The following CERT1 variants were observed in gnomAD, a reference collection of about 807,000 sequenced individuals.
CERT1 encodes ceramide transporter 1.
Under a neutral mutation model 87.9 loss-of-function variants are expected in CERT1, and 31 were observed. That is an observed-to-expected ratio of 0.35 (90% CI 0.27 to 0.48). CERT1 has a LOEUF of 0.48. Ranked by LOEUF, CERT1 falls within the 20% of genes least tolerant of loss-of-function variation. CERT1 has a pLI of 0.99. For missense variants in CERT1, 487 were observed against 758.0 expected (o/e 0.64, Z 4.20); for synonymous variants, 289 against 250.9 (o/e 1.15, Z -1.44).
At chr5:75,473,253 T>A (rs1580820453) in intron 2 of CERT1, among the ~76,000 whole-genome samples, 1 of 152,062 alleles carries the variant, frequency 6.6e-6, no homozygotes, top group East Asian at 1.9e-4. Flanking sequence ...GCTCATTTTT[T>A]AAATTTTTTG....
At chr5:75,387,408 G>C (rs1479360681) in intron 12 of CERT1, among the ~76,000 whole-genome samples, 1 of 152,152 alleles carries the variant, frequency 6.6e-6, no homozygotes, top group East Asian at 1.9e-4. Flanking sequence ...TAGTCTGCTT[G>C]TTCTCCAGTT....
chr5:75,369,866 C>G (rs920225735), intron 17 of CERT1: 17 of 152,162 alleles, frequency 1.1e-4, no homozygotes, highest in African/African-American at 3.9e-4. Context: ...CAAGGCTATT[C>G]AAAGTATACA....
At chr5:75,384,103 C>T (rs1254124989) in intron 14 of CERT1, among the ~76,000 whole-genome samples, 1 of 152,126 alleles carries the variant, frequency 6.6e-6, no homozygotes, top group Non-Finnish European at 1.5e-5. Flanking sequence ...AGCCATTACC[C>T]TTATTGTTGT....
At chr5:75,392,037 T>C (rs1762044396) in intron 11 of CERT1, among the ~76,000 whole-genome samples, 1 of 152,236 alleles carries the variant, frequency 6.6e-6, no homozygotes, top group Non-Finnish European at 1.5e-5. Context: ...TAGTTGTGTT[T>C]CTGTTTGGGA....
chr5:75,428,209 T>G (rs919052102), intron 3 of CERT1, among the ~76,000 whole-genome samples: 6 of 152,174 alleles, frequency 3.9e-5, no homozygotes, highest in Non-Finnish European at 5.9e-5. Context: ...GTAAATGATA[T>G]TAGCACTAGT....
At chr5:75,427,304 G>A (rs1763657244) in intron 3 of CERT1, among the ~76,000 whole-genome samples, 1 of 152,130 alleles carries the variant, frequency 6.6e-6, no homozygotes, top group African/African-American at 2.4e-5. Context: ...TTAAAAGTAC[G>A]GTGAATTAGG....
chr5:75,440,923 C>T (rs375303669), intron 3 of CERT1, among the ~76,000 whole-genome samples: 10 of 152,098 alleles, frequency 6.6e-5, no homozygotes, highest in African/African-American at 2.4e-4. Context: ...GTATCTATGG[C>T]TCCCTGTTTC....
chr5:75,388,599 C>CATATATATATATATATATATATATAT (rs59799780), intron 12 of CERT1, among the ~76,000 whole-genome samples: 3 of 91,858 alleles, frequency 3.3e-5, no homozygotes, highest in Non-Finnish European at 4.9e-5. Context: ...AGCATGCATG[C>CATATATATATATATATATATATATAT]ATATATATAT....
chr5:75,376,203 T>TA (rs1305650066), downstream of CERT1: 10 of 152,364 alleles, frequency 6.6e-5, no homozygotes, highest in East Asian at 1.7e-3. Context: ...TTCAACTGTT[T>TA]AAAAAATTAT....
intron 3 of CERT1, among the ~76,000 whole-genome samples, chr5:75,456,662 TCA>T (rs1491464039): frequency 1.2e-4 from 6 of 52,116 alleles, no homozygotes; most frequent in African/African-American, 7.3e-4. Flanking sequence ...TGACCTCATC[TCA>T]AAAAAAAAAA....
intron 3 of CERT1, among the ~76,000 whole-genome samples, chr5:75,428,653 G>A (rs1291799390): frequency 6.6e-6 from 1 of 151,188 alleles, no homozygotes; most frequent in African/African-American, 2.4e-5. Flanking sequence ...AGTCTGACAT[G>A]GGTGAAAGAG....
rs766180949 is a variant in CERT1 at position 75,511,507 on chromosome 5, T to A, written c.-300A>T. On this transcript the variant is annotated 5_prime_UTR_variant, in exon 1 of 17. Transcript: ENST00000643780. The stretch of plus-strand genomic sequence containing the variant: ...GCGCTGCCACCCGAACTTAGCCCCC[T>A]CGATGCCAATTTCAAATAGGGAAGG... 4.1e-6 allele frequency: 6 copies of A among 1,477,176 alleles called. No homozygotes were observed. In the South Asian group the frequency reaches 8.0e-5, roughly 20 times the overall value. 91.5% of individuals were successfully genotyped at this position (1,477,176 alleles called of 1,614,324 possible).
At chr5:75,500,994 G>GT (rs533662687) in intron 2 of CERT1, among the ~76,000 whole-genome samples, 2,321 of 136,832 alleles carry the variant, frequency 0.017, 51 homozygotes, top group African/African-American at 0.048. Flanking sequence ...TGTTTTTTTT[G>GT]TTTTTTTTTT....
At position 75,424,618 on chromosome 5, in the gene CERT1, A is replaced by G. The variant is rs139347071; in HGVS notation, c.595+743T>C. Among the ~76,000 whole-genome samples the G allele has an allele frequency of 2.1e-3, 313 of 152,020 alleles. 1 individual carries two copies. The East Asian group carries it at 0.027, about 13-fold the overall frequency. ...AGAGAGAGAGGAAAAGGCAAAAAGAAAAGAGAAGGGGAGAAAAAGAGAAAT... is the reference window on the plus strand; with the variant it reads ...AGAGAGAGAGGAAAAGGCAAAAAGAGAAGAGAAGGGGAGAAAAAGAGAAAT... On this transcript the variant is annotated intron_variant, in intron 5 of 16. Coordinates refer to ENST00000643780, the MANE Select transcript of CERT1 (RefSeq NM_001379029.1).
In CERT1 at chr5:75,426,394, C is replaced by T; in HGVS notation, c.433G>A (p.Ala145Thr). Residue 145 changes from alanine to threonine, a missense_variant, in exon 4 of 17, where the codon GCA (alanine) becomes ACA (threonine). Physicochemically the swap from Ala to Thr is moderately conservative, Grantham distance 58. Coordinates refer to ENST00000643780, the MANE Select transcript of CERT1 (RefSeq NM_001379029.1). ...SLVSGASGYS[A>T]TSTSSFKKGH... ...ACCTTGAATGAAGAGGTGGATGTTG[C>T]AGAGTAGCCACTTGCTCCAGACACC... 1.2e-6 allele frequency: 2 copies of T among 1,613,188 alleles called. No individual in the cohort carries two copies. Among genetic ancestry groups the T allele is most frequent in the Non-Finnish European group, 1.7e-6 (2 of 1,179,340 alleles).
At chr5:75,420,180 T>C (rs925935408) in intron 5 of CERT1, among the ~76,000 whole-genome samples, 1 of 151,838 alleles carries the variant, frequency 6.6e-6, no homozygotes, top group Non-Finnish European at 1.5e-5. Context: ...GGTTTCACTA[T>C]GTTGGCCAGG....
intron 2 of CERT1, among the ~76,000 whole-genome samples, chr5:75,498,954 A>T (rs1767210200): frequency 6.6e-6 from 1 of 152,234 alleles, no homozygotes; most frequent in Non-Finnish European, 1.5e-5. Flanking sequence ...CTGCAAAGCC[A>T]CAGGGACGGA....
chr5:75,451,606 T>G (rs1764771732), intron 3 of CERT1, among the ~76,000 whole-genome samples: 1 of 152,210 alleles, frequency 6.6e-6, no homozygotes, highest in South Asian at 2.1e-4. Context: ...AAAGCTAAGT[T>G]TTATATAATT....
chr5:75,470,613 C>T (rs563690209), intron 2 of CERT1, among the ~76,000 whole-genome samples: 1 of 152,028 alleles, frequency 6.6e-6, no homozygotes, highest in Non-Finnish European at 1.5e-5. Context: ...AAGAAATGTA[C>T]CTCAACACAC....
Sources: gnomAD v4.1 joint callset for allele counts (sites outside exome capture counted in the v4.1 genomes callset) on GRCh38, gnomAD v4.1.1 for gene constraint, MANE v1.5 for transcripts, NCBI Gene and HGNC (gene_info 2026-07-23, HGNC 2026-07-21) for gene names.